The following ERC2 variants were observed in gnomAD, a reference collection of about 807,000 sequenced individuals.
The protein encoded by ERC2 is ELKS/RAB6-interacting/CAST family member 2.
ERC2 carries 42 observed loss-of-function variants against 114.8 expected under a neutral mutation model. The observed-to-expected ratio is 0.37, with a 90% confidence interval of 0.29 to 0.47. The LOEUF is 0.47. Ranked by LOEUF, ERC2 falls within the 20% of genes least tolerant of loss-of-function variation. The pLI is 0.99. For synonymous variants in ERC2, 454 were observed against 425.5 expected, an observed-to-expected ratio of 1.07 and a Z score of -0.82; for missense variants, 939 against 1,150.7, an observed-to-expected ratio of 0.82 and a Z score of 2.66.
chr3:56,411,213 C>G (rs1454112152), intron 2 of ERC2, among the ~76,000 whole-genome samples: 5 of 151,266 alleles, frequency 3.3e-5, no homozygotes, highest in African/African-American at 4.9e-5. Context: ...AGAAAAAAAA[C>G]TGAGATCTCT....
At chr3:56,367,612 G>A (rs1041216752) in intron 2 of ERC2, among the ~76,000 whole-genome samples, 2 of 152,148 alleles carry the variant, frequency 1.3e-5, no homozygotes, top group Admixed American at 6.5e-5. Context: ...GTCTTGAGCT[G>A]AATGAAGAGC....
At chr3:55,964,811 C>G (rs1268558919) in intron 12 of ERC2, among the ~76,000 whole-genome samples, 1 of 152,144 alleles carries the variant, frequency 6.6e-6, no homozygotes, top group African/African-American at 2.4e-5. Context: ...AGGTCGTTGG[C>G]AGGATTCCTT....
intron 4 of ERC2, among the ~76,000 whole-genome samples, chr3:56,158,897 G>T (rs988786100): frequency 2.0e-5 from 3 of 151,928 alleles, no homozygotes; most frequent in African/African-American, 7.3e-5. Flanking sequence ...GAGTGATATG[G>T]TTTGGATCCG....
At chr3:56,392,765 T>G (rs1246837618) in intron 2 of ERC2, among the ~76,000 whole-genome samples, 1 of 152,192 alleles carries the variant, frequency 6.6e-6, no homozygotes, top group South Asian at 2.1e-4. Flanking sequence ...AAGACAATGG[T>G]GGTTGTGGTA....
chr3:55,841,639 T>G (rs1340493547), intron 14 of ERC2, among the ~76,000 whole-genome samples: 6 of 152,172 alleles, frequency 3.9e-5, no homozygotes, highest in Non-Finnish European at 5.9e-5. Context: ...ATCTAATTCT[T>G]TCAAAAAACA....
At chr3:55,824,162 C>G (rs1481709708) in intron 14 of ERC2, among the ~76,000 whole-genome samples, 1 of 152,176 alleles carries the variant, frequency 6.6e-6, no homozygotes, top group Non-Finnish European at 1.5e-5. Context: ...AAGACCTAAC[C>G]TCTAAACACA....
rs557223347 is a variant in ERC2, at chr3:56,455,409, G to A, written c.-141+12839C>T. Reference sequence around the variant, plus strand: ...AACACTAGTTGCCATTGCACAACTCGCTTAACAATGCACCATCTATTGGCT... The same window carrying A: ...AACACTAGTTGCCATTGCACAACTCACTTAACAATGCACCATCTATTGGCT... On this transcript the variant is annotated intron_variant, in intron 1 of 17. Coordinates refer to ENST00000288221, the MANE Select transcript of ERC2 (RefSeq NM_015576.3). Among the ~76,000 whole-genome samples, 13 of 151,998 alleles carry A rather than the reference G, an allele frequency of 8.6e-5. 1 individual carries two copies. In the South Asian group the frequency reaches 1.5e-3, roughly 17 times the overall value.
intron 7 of ERC2, among the ~76,000 whole-genome samples, chr3:56,035,001 T>G (rs1479941135): frequency 2.0e-5 from 3 of 151,712 alleles, no homozygotes; most frequent in African/African-American, 4.8e-5. Flanking sequence ...AAATTAAGTT[T>G]AGAAAAACAA....
intron 17 of ERC2, among the ~76,000 whole-genome samples, chr3:55,556,708 G>C (rs993931935): frequency 1.3e-5 from 2 of 152,162 alleles, no homozygotes; most frequent in Non-Finnish European, 2.9e-5. Flanking sequence ...AGAGACTCAG[G>C]GTGGAGACAA....
intron 17 of ERC2, among the ~76,000 whole-genome samples, chr3:55,600,067 C>T (rs2058328553): frequency 6.6e-6 from 1 of 152,274 alleles, no homozygotes; most frequent in Admixed American, 6.5e-5. Context: ...TAGCAAGGAG[C>T]TGAATCACTG....
At chr3:56,053,053 T>G (rs1159412842) in intron 7 of ERC2, among the ~76,000 whole-genome samples, 1 of 152,112 alleles carries the variant, frequency 6.6e-6, no homozygotes, top group East Asian at 1.9e-4. Flanking sequence ...GCAAAGTGAC[T>G]GATGAAAAAC....
intron 7 of ERC2, among the ~76,000 whole-genome samples, chr3:56,035,477 T>C (rs75978289): frequency 6.6e-4 from 100 of 152,336 alleles, no homozygotes; most frequent in African/African-American, 2.4e-3. Flanking sequence ...CATCCCTCAA[T>C]ATTCACGTGT....
intron 13 of ERC2, among the ~76,000 whole-genome samples, chr3:55,918,126 T>C (rs745973776): frequency 3.6e-4 from 55 of 152,254 alleles, no homozygotes; most frequent in Non-Finnish European, 6.6e-4. Flanking sequence ...ACCAAAGCTA[T>C]TTATATTCCA....
intron 2 of ERC2, among the ~76,000 whole-genome samples, chr3:56,430,775 T>G (rs1439880528): frequency 6.6e-6 from 1 of 152,038 alleles, no homozygotes; most frequent in African/African-American, 2.4e-5. Context: ...GGTGACAGAG[T>G]GAAACCCTGT....
chr3:56,058,063 C>T (rs1416515268), intron 7 of ERC2, among the ~76,000 whole-genome samples: 1 of 152,120 alleles, frequency 6.6e-6, no homozygotes, highest in East Asian at 1.9e-4. Context: ...ACTTGTAAAA[C>T]AAATCTTCAA....
At chr3:55,961,418 C>T (rs946128913) in intron 12 of ERC2, among the ~76,000 whole-genome samples, 2 of 152,106 alleles carry the variant, frequency 1.3e-5, no homozygotes, top group African/African-American at 4.8e-5. Context: ...AAATTTAGGT[C>T]CTCCTGTTAC....
At chr3:55,628,557 A>G (rs1015426244) in intron 17 of ERC2, among the ~76,000 whole-genome samples, 2 of 152,112 alleles carry the variant, frequency 1.3e-5, no homozygotes, top group Non-Finnish European at 2.9e-5. Flanking sequence ...CTTTCTGTTT[A>G]CTCTGACTGT....
chr3:56,020,675 C>T (rs1289373246), intron 7 of ERC2, among the ~76,000 whole-genome samples: 1 of 152,164 alleles, frequency 6.6e-6, no homozygotes. Context: ...CCCATGGATA[C>T]ATTTGTGTAC....
chr3:55,807,209 G>A (rs1413283871), intron 14 of ERC2, among the ~76,000 whole-genome samples: 1 of 152,188 alleles, frequency 6.6e-6, no homozygotes, highest in African/African-American at 2.4e-5. Flanking sequence ...CCAGGCACTA[G>A]AGTAAAAGTT....
Sources: allele counts gnomAD v4.1 joint callset (sites outside exome capture counted in the v4.1 genomes callset), GRCh38; gene constraint gnomAD v4.1.1; transcripts MANE v1.5; gene names NCBI Gene and HGNC (gene_info 2026-07-23, HGNC 2026-07-21).